OCA2: variants seen among roughly 807,000 people sequenced by gnomAD.
OCA2 encodes the protein P protein.
A neutral mutation model predicts 100.2 loss-of-function variants in OCA2; 77 were observed. The observed-to-expected ratio is 0.77, with a 90% CI of 0.64 to 0.93. The LOEUF is 0.93. Ranked by LOEUF, OCA2 falls within the 40% of genes least tolerant of loss-of-function variation. The pLI, the probability that OCA2 is intolerant of heterozygous loss-of-function variation, is 0.00. For missense variants in OCA2, 1,062 were observed against 1,089.1 expected (o/e 0.98, Z 0.35); for synonymous variants, 432 against 439.2 (o/e 0.98, Z 0.21).
intron 19 of OCA2, among the ~76,000 whole-genome samples, chr15:27,904,551 G>A (rs8028640): frequency 0.59 from 89,842 of 151,924 alleles, 27,604 homozygotes; most frequent in East Asian, 0.96. Flanking sequence ...CAGTGGCTGG[G>A]CTGGAGACAC....
intron 8 of OCA2, 39 bp from the exon 9 acceptor site, chr15:28,014,968 A>C: frequency 6.2e-7 from 1 of 1,607,682 alleles, no homozygotes; most frequent in South Asian, 1.1e-5. Context: ...TCACAAGGTC[A>C]ACAGTTAGGG....
At chr15:28,089,830 A>G (rs2044842369) in intron 1 of OCA2, among the ~76,000 whole-genome samples, 1 of 152,128 alleles carries the variant, frequency 6.6e-6, no homozygotes, top group Non-Finnish European at 1.5e-5. Context: ...TTGAAAAACT[A>G]CTTATTGAGG....
intron 19 of OCA2, among the ~76,000 whole-genome samples, chr15:27,903,592 T>C (rs1321082904): frequency 6.6e-6 from 1 of 152,172 alleles, no homozygotes; most frequent in Non-Finnish European, 1.5e-5. Context: ...CCCCAGGAGC[T>C]TGGAACTCCC....
the OCA2 span, among the ~76,000 whole-genome samples, chr15:27,733,016 A>G: frequency 6.6e-6 from 1 of 152,184 alleles, no homozygotes; most frequent in African/African-American, 2.4e-5. Flanking sequence ...CAAGAAAGAA[A>G]AAGCACCCTC....
the OCA2 span, among the ~76,000 whole-genome samples, chr15:27,735,982 G>A: frequency 6.6e-6 from 1 of 152,160 alleles, no homozygotes; most frequent in African/African-American, 2.4e-5. Flanking sequence ...TGGACATTGG[G>A]TGTTCTCACC....
the OCA2 span, among the ~76,000 whole-genome samples, chr15:27,749,007 A>C: frequency 6.6e-6 from 1 of 152,274 alleles, no homozygotes; most frequent in South Asian, 2.1e-4. Context: ...CATTTGTATC[A>C]CTGGAGTTCT....
chr15:28,065,332 G>C (rs996496819), intron 2 of OCA2, among the ~76,000 whole-genome samples: 2 of 152,082 alleles, frequency 1.3e-5, no homozygotes, highest in African/African-American at 4.8e-5. Flanking sequence ...ATCTCCTACA[G>C]CTTTTGCACC....
chr15:28,011,079 AG>A (rs2042226245), intron 9 of OCA2, among the ~76,000 whole-genome samples: 2 of 152,186 alleles, frequency 1.3e-5, no homozygotes, highest in South Asian at 4.1e-4. Context: ...TCAACTGAGG[AG>A]GGGTAGTCTT....
At chr15:28,017,194 A>G (rs893036779) in intron 7 of OCA2, among the ~76,000 whole-genome samples, 1 of 152,204 alleles carries the variant, frequency 6.6e-6, no homozygotes, top group South Asian at 2.1e-4. Flanking sequence ...AAGTTCTTTT[A>G]GGTACTTCAG....
At chr15:28,072,218 A>G (rs2044282785) in intron 2 of OCA2, among the ~76,000 whole-genome samples, 1 of 151,662 alleles carries the variant, frequency 6.6e-6, no homozygotes, top group Admixed American at 6.6e-5. Context: ...ATACAAAAAA[A>G]TTAGCTGGGC....
chr15:27,864,396 G>A (rs1434430989), intron 21 of OCA2, among the ~76,000 whole-genome samples: 1 of 152,134 alleles, frequency 6.6e-6, no homozygotes, highest in African/African-American at 2.4e-5. Context: ...GATGTTTCAG[G>A]ACAGGAGGAG....
chr15:28,066,386 C>T (rs1018885974), intron 2 of OCA2, among the ~76,000 whole-genome samples: 1 of 152,112 alleles, frequency 6.6e-6, no homozygotes, highest in African/African-American at 2.4e-5. Context: ...GAAACCTAAA[C>T]GATCAGTTCA....
At position 27,987,646 on chromosome 15, in the gene OCA2, A is replaced by G. The variant is rs140452482; in HGVS notation, c.1183-1003T>C. On this transcript the variant is annotated intron_variant, in intron 11 of 23. Coordinates refer to ENST00000354638, the MANE Select transcript of OCA2 (RefSeq NM_000275.3). ...CAGGAGGCTGAGGCAGGAGAATGGC[A>G]TGAACCCAGGACGGGGAGCTTGCAG... Among the ~76,000 whole-genome samples, 710 of 151,856 alleles carry G rather than the reference A, an allele frequency of 4.7e-3. 9 individuals carry two copies. Among genetic ancestry groups the G allele is most frequent in the Admixed American group, 0.039 (593 of 15,268 alleles).
rs990831486 is a variant in OCA2, at chr15:28,027,991, G to C, written c.395C>G (p.Ala132Gly). 2 of 1,614,098 alleles carry C rather than the reference G, an allele frequency of 1.2e-6. No individual in the cohort carries two copies. Among genetic ancestry groups the C allele is most frequent in the African/African-American group, 2.7e-5 (2 of 74,922 alleles). The change falls in exon 4 of 24, where the codon GCT becomes GGT. Residue 132 changes from alanine (A) to glycine (G), a missense_variant. Coordinates refer to ENST00000354638, the MANE Select transcript of OCA2 (RefSeq NM_000275.3). The part of the protein sequence containing the change: ...TAEESWEDSS[A>G]DWERRYLLSR... ...TAGCAGGTATCTTCGCTCCCAGTCA[G>C]CAGAGCTGTCTTCCCAAGACTCTTC...
chr15:28,082,890 CTG>C (rs2044696528), intron 1 of OCA2, among the ~76,000 whole-genome samples: 1 of 152,118 alleles, frequency 6.6e-6, no homozygotes, highest in African/African-American at 2.4e-5. Context: ...TAAAGTAATG[CTG>C]TCCTACTTTG....
chr15:28,063,594 T>C (rs1288946001), intron 2 of OCA2, among the ~76,000 whole-genome samples: 1 of 152,128 alleles, frequency 6.6e-6, no homozygotes, highest in Non-Finnish European at 1.5e-5. Flanking sequence ...TTTCTTGTGA[T>C]TGCTGAGAGG....
At chr15:27,794,402 C>G (rs943328864) in intron 23 of OCA2, among the ~76,000 whole-genome samples, 5 of 152,156 alleles carry the variant, frequency 3.3e-5, no homozygotes, top group African/African-American at 1.2e-4. Context: ...AATTTTGAGG[C>G]AGATTTTTAC....
chr15:27,883,708 C>T (rs1188339034), intron 19 of OCA2, among the ~76,000 whole-genome samples: 1 of 152,178 alleles, frequency 6.6e-6, no homozygotes, highest in Non-Finnish European at 1.5e-5. Context: ...GAGGTACAAG[C>T]AGGCTGATAT....
intron 15 of OCA2, among the ~76,000 whole-genome samples, chr15:27,958,934 T>C (rs1021419146): frequency 3.9e-5 from 6 of 152,158 alleles, no homozygotes; most frequent in Non-Finnish European, 8.8e-5. Context: ...GGAAGCAGCA[T>C]GAACATCGTG....
Sources: allele counts gnomAD v4.1 joint callset (sites outside exome capture counted in the v4.1 genomes callset), GRCh38; gene constraint gnomAD v4.1.1; transcripts MANE v1.5; gene names NCBI Gene and HGNC (gene_info 2026-07-23, HGNC 2026-07-21).